GPR161: variants seen among roughly 807,000 people sequenced by gnomAD.
GPR161 encodes the protein G protein-coupled receptor 161.
In GPR161, 25 loss-of-function variants were observed where a neutral mutation model predicts 39.2. The ratio of observed to expected loss-of-function variants is 0.64; its 90% CI spans 0.47 to 0.89. The LOEUF (loss-of-function observed/expected upper bound fraction) is 0.89, where lower values mean the gene tolerates loss of function less well. Ranked by LOEUF, GPR161 falls within the 40% of genes least tolerant of loss-of-function variation. The pLI, the probability that GPR161 is intolerant of heterozygous loss-of-function variation, is 0.00. For synonymous variants in GPR161, 286 were observed against 276.6 expected (o/e 1.03, Z -0.34); for missense variants, 547 against 677.8 (o/e 0.81, Z 2.14).
rs544042210 is a variant in GPR161 at position 168,134,959 on chromosome 1, G to T, written c.-45+1780C>A. On this transcript the variant is annotated intron_variant, in intron 1 of 5. Coordinates refer to ENST00000682931, the MANE Select transcript of GPR161 (RefSeq NM_001375883.1). ...CAGTTCAGCCCATTCTGTCTTCCTC[G>T]GAACCCAAACAGAGAGCTCGCAGCC... The T allele has an allele frequency of 2.6e-5, 40 of 1,535,610 alleles. No homozygotes were observed. The East Asian group carries it at 7.3e-4, about 28-fold the overall frequency.
At chr1:168,129,902 T>C (rs1307980790) in intron 1 of GPR161, among the ~76,000 whole-genome samples, 1 of 152,162 alleles carries the variant, frequency 6.6e-6, no homozygotes, top group Non-Finnish European at 1.5e-5. Flanking sequence ...TCAAAATAAA[T>C]GACTCTCTTT....
rs1253343810 is a variant in GPR161, at chr1:168,085,061, A to G, written c.*470T>C. ...GGCACCAGGACGGTCGCGTGTCATT[A>G]GGAAGAAGTGCTGTGTCATCCTTCA... On this transcript the variant is annotated 3_prime_UTR_variant, in exon 6 of 6. Coordinates refer to ENST00000682931, the MANE Select transcript of GPR161 (RefSeq NM_001375883.1). The G allele has an allele frequency of 2.4e-5, 11 of 456,560 alleles. No homozygotes were observed. The highest frequency in any genetic ancestry group is 2.1e-4 in the Admixed American group (9 of 42,578). The allele number at this position is 456,560 out of a possible 1,614,324, so 28.3% of individuals were successfully genotyped here. A position where few individuals can be genotyped will look rare whatever the true frequency, so the allele number is the denominator to read the frequency against.
chr1:168,089,964 G>A (rs1694894646), intron 4 of GPR161, among the ~76,000 whole-genome samples: 1 of 152,216 alleles, frequency 6.6e-6, no homozygotes, highest in Non-Finnish European at 1.5e-5. Context: ...TTTCTACAGG[G>A]AGACTGAGTT....
chr1:168,137,324 C>T, upstream of GPR161: 1 of 1,534,916 alleles, frequency 6.5e-7, no homozygotes, highest in Non-Finnish European at 8.7e-7. Context: ...CCGCAGGCTC[C>T]GCACAGTCCC....
chr1:168,106,309 G>A (rs142328375), intron 1 of GPR161, among the ~76,000 whole-genome samples: 68 of 152,324 alleles, frequency 4.5e-4, no homozygotes, highest in Middle Eastern at 6.8e-3. Flanking sequence ...TGGAGGCAGG[G>A]CGCAGAGTGG....
At chr1:168,134,461 G>A (rs1291351829) in intron 1 of GPR161, among the ~76,000 whole-genome samples, 1 of 152,084 alleles carries the variant, frequency 6.6e-6, no homozygotes, top group South Asian at 2.1e-4. Flanking sequence ...CCAAACTCCA[G>A]GTAGCACTGA....
At chr1:168,114,681 G>T (rs1697481443) in intron 1 of GPR161, 1 of 152,134 alleles carries the variant, frequency 6.6e-6, no homozygotes, top group Admixed American at 6.6e-5. Context: ...TGTAAAATGA[G>T]TATCATCTTC....
At chr1:168,087,870 A>G (rs1694696844) in intron 4 of GPR161, 166 bp from the exon 5 acceptor site, 5 of 627,150 alleles carry the variant, frequency 8.0e-6, no homozygotes, top group Non-Finnish European at 1.1e-5. Flanking sequence ...CCCGCCTGTC[A>G]TCCTGTTTCA....
In GPR161 at chr1:168,082,442, C is replaced by G. The variant is rs1012359040; in HGVS notation, c.*3089G>C. On this transcript the variant is annotated 3_prime_UTR_variant, in exon 6 of 6. Coordinates refer to ENST00000682931, the MANE Select transcript of GPR161 (RefSeq NM_001375883.1). ...CAGCCACACCGCTGCCACCTAGTGT[C>G]TAAGGGCCTGAACTTCAGTCTTGGT... 5 of 152,310 alleles carry G rather than the reference C, an allele frequency of 3.3e-5. No homozygotes were observed. In the South Asian group the frequency reaches 8.3e-4, roughly 25 times the overall value. 9.4% of individuals were successfully genotyped at this position (152,310 alleles called of 1,614,324 possible).
At chr1:168,107,053 C>T (rs939903400) in intron 1 of GPR161, among the ~76,000 whole-genome samples, 21 of 142,644 alleles carry the variant, frequency 1.5e-4, no homozygotes, top group Non-Finnish European at 2.9e-4. Flanking sequence ...TGTAACAAGC[C>T]TACACATGTA....
At chr1:168,123,663 G>A (rs940991742) in intron 1 of GPR161, among the ~76,000 whole-genome samples, 2 of 152,046 alleles carry the variant, frequency 1.3e-5, no homozygotes, top group Non-Finnish European at 2.9e-5. Flanking sequence ...CAAAGGGACA[G>A]ACTCAGCTGT....
chr1:168,107,633 C>A (rs1444827810), intron 1 of GPR161, among the ~76,000 whole-genome samples: 2 of 152,170 alleles, frequency 1.3e-5, no homozygotes, highest in Admixed American at 6.5e-5. Context: ...ACAAATTACC[C>A]AGTTTCAGGT....
At chr1:168,100,758 T>C (rs890915344) in intron 2 of GPR161, among the ~76,000 whole-genome samples, 6 of 152,226 alleles carry the variant, frequency 3.9e-5, no homozygotes, top group African/African-American at 1.4e-4. Flanking sequence ...ATCCATCCCA[T>C]TGTTCTAGCT....
chr1:168,131,120 C>T (rs1180929500), intron 1 of GPR161, among the ~76,000 whole-genome samples: 1 of 152,140 alleles, frequency 6.6e-6, no homozygotes, highest in Non-Finnish European at 1.5e-5. Context: ...GTCAAAACTT[C>T]ATCCTCACTG....
At chr1:168,113,390 T>C (rs1254530382) in intron 1 of GPR161, among the ~76,000 whole-genome samples, 1 of 152,198 alleles carries the variant, frequency 6.6e-6, no homozygotes, top group African/African-American at 2.4e-5. Flanking sequence ...GGAAAGTTGA[T>C]CACTAACTCA....
chr1:168,106,026 TTA>T (rs1291930508), intron 1 of GPR161, among the ~76,000 whole-genome samples: 2 of 152,086 alleles, frequency 1.3e-5, no homozygotes, highest in East Asian at 3.9e-4. Flanking sequence ...AGTGCATGGG[TTA>T]ATAGGGCAGC....
chr1:168,092,415 T>C (rs1395578726), intron 3 of GPR161, among the ~76,000 whole-genome samples: 1 of 152,188 alleles, frequency 6.6e-6, no homozygotes, highest in African/African-American at 2.4e-5. Flanking sequence ...CTAAAAGGTC[T>C]GGAAACGGGG....
chr1:168,137,188 T>G, upstream of GPR161: 1 of 1,408,828 alleles, frequency 7.1e-7, no homozygotes, highest in Non-Finnish European at 9.2e-7. Context: ...CCCACTTTTC[T>G]CCTGAAAACC....
At chr1:168,087,408 G>C (rs1694628807) in intron 5 of GPR161, among the ~76,000 whole-genome samples, 177 bp downstream of exon 5, 1 of 152,146 alleles carries the variant, frequency 6.6e-6, no homozygotes, top group Non-Finnish European at 1.5e-5. Context: ...CTTGCTCTGA[G>C]AACTGGGTGC....
Sources: allele counts gnomAD v4.1 joint callset (sites outside exome capture counted in the v4.1 genomes callset), GRCh38; gene constraint gnomAD v4.1.1; transcripts MANE v1.5; gene names NCBI Gene and HGNC (gene_info 2026-07-23, HGNC 2026-07-21).